Variants in SLC4A9 observed in about 807,000 individuals in gnomAD.
SLC4A9 encodes anion exchange protein 4.
A neutral mutation model predicts 103.2 loss-of-function variants in SLC4A9; 102 were observed. The ratio of observed to expected loss-of-function variants is 0.99; its 90% CI spans 0.84 to 1.17. The LOEUF (loss-of-function observed/expected upper bound fraction) is 1.17. Among genes scored for constraint, SLC4A9 ranks in the 50% most tolerant of loss-of-function variants. The pLI, the probability that SLC4A9 is intolerant of heterozygous loss-of-function variation, is 0.00. For missense variants in SLC4A9, 1,091 were observed against 1,193.7 expected (o/e 0.91, Z 1.27); for synonymous variants, 453 against 483.6 (o/e 0.94, Z 0.83).
At position 140,371,458 on chromosome 5, in the gene SLC4A9, A is replaced by G; in HGVS notation, c.2504A>G (p.Asn835Ser). ...TTCCTCTTGTTCCCCTAGTTCACTA[A>G]TAGGGTGAAGCTGTTGTTGATGCCA... The part of the protein sequence containing the change: ...VAALSSIQFT[N>S]RVKLLLMPAK... The change falls in exon 19 of 22, where the codon AAT becomes AGT. Residue 835 changes from asparagine (N) to serine (S), a missense_variant. Coordinates refer to ENST00000506757, the MANE Select transcript of SLC4A9 (RefSeq NM_031467.3). The G allele has an allele frequency of 1.2e-6, 2 of 1,613,992 alleles. No individual in the cohort carries two copies. The highest frequency in any genetic ancestry group is 1.7e-6 in the Non-Finnish European group (2 of 1,179,880).
intron 21 of SLC4A9, among the ~76,000 whole-genome samples, chr5:140,374,072 G>GTT (rs1227062432): frequency 6.6e-6 from 1 of 151,732 alleles, no homozygotes; most frequent in African/African-American, 2.4e-5. Flanking sequence ...GTGCATGCCT[G>GTT]TAAGAGGCTG....
In SLC4A9 at chr5:140,364,132, C is replaced by A; in HGVS notation, c.1333C>A (p.Leu445Met). The A allele has an allele frequency of 6.3e-7, 1 of 1,594,274 alleles. No individual in the cohort carries two copies. The highest frequency in any genetic ancestry group is 8.5e-7 in the Non-Finnish European group (1 of 1,169,640). The change falls in exon 10 of 22, where the codon CTG becomes ATG. Residue 445 changes from leucine to methionine, a missense_variant. Coordinates refer to ENST00000506757, the MANE Select transcript of SLC4A9 (RefSeq NM_031467.3). ...GATGGCAGGCCAGCCCCTCACCATT[C>A]TGAGCAGCACGGGGCCAGTGCTGGT... ...CLMAGQPLTI[L>M]SSTGPVLVFE... is the part of the protein sequence containing the mutation.
Position 140,364,391 on chromosome 5 carries a change from CGCCTATG to C in SLC4A9, c.1419_1425del (p.Leu474TrpfsTer49), listed in dbSNP as rs762149683. 2 of 1,613,294 alleles carry C rather than the reference CGCCTATG, an allele frequency of 1.2e-6. No homozygotes were observed. The highest frequency in any genetic ancestry group is 2.2e-5 in the South Asian group (2 of 91,040). On this transcript the variant is annotated frameshift_variant, in exon 11 of 22. Coordinates refer to ENST00000506757, the MANE Select transcript of SLC4A9 (RefSeq NM_031467.3). LOFTEE classifies it high-confidence loss of function. ...TTACAGCCTGGACTACCTGCCCTTC[CGCCTATG>C]GGTGGGCATCTGGGTGGCTACCTTT...
chr5:140,365,454 T>C, intron 11 of SLC4A9, 66 bp from the exon 12 acceptor site: 1 of 1,464,258 alleles, frequency 6.8e-7, no homozygotes, highest in Non-Finnish European at 9.4e-7. Context: ...CAGATAAGAA[T>C]TTTATGGGGC....
Position 140,371,244 on chromosome 5 carries a change from C to A in SLC4A9, c.2496+81C>A, listed in dbSNP as rs371651205. ...AAAAAGAACAAAATTACCTAGCAACCCTACTCCTTTTTTCTTTTCTGCTGG... is the reference window on the plus strand; with the variant it reads ...AAAAAGAACAAAATTACCTAGCAACACTACTCCTTTTTTCTTTTCTGCTGG... On this transcript the variant is annotated intron_variant, in intron 18 of 21. Transcript: ENST00000506757. 5.4e-6 allele frequency: 8 copies of A among 1,486,558 alleles called. No homozygotes were observed. In the Admixed American group the frequency reaches 1.2e-4, roughly 22 times the overall value. 92.1% of individuals were successfully genotyped at this position (1,486,558 alleles called of 1,614,324 possible).
rs761599792 is a variant in SLC4A9 at position 140,367,503 on chromosome 5, C to T, written c.2097C>T (p.Ala699=). Residue 699 remains alanine (A), a synonymous_variant, in exon 15 of 22, where the codon GCC becomes GCT. Transcript: ENST00000506757. ...GGAGTGTGGCAGCTGCCCTGCCTGC[C>T]CTGCTGCTGTCTATCCTCATCTTCA... ...WWWSVAAALP[A]LLLSILIFMD... is the part of the protein sequence containing the mutation. 1.1e-5 allele frequency: 17 copies of T among 1,605,476 alleles called. No individual in the cohort carries two copies. The highest frequency in any genetic ancestry group is 4.5e-5 in the South Asian group (4 of 89,470).
Position 140,360,236 on chromosome 5 carries a change from C to T in SLC4A9, c.-1C>T, listed in dbSNP as rs781107125. On this transcript the variant is annotated 5_prime_UTR_variant, in exon 1 of 22. Coordinates refer to ENST00000506757, the MANE Select transcript of SLC4A9 (RefSeq NM_031467.3). The stretch of plus-strand genomic sequence containing the variant: ...TGGTTCTGAGATTCTGTGCAAGCCT[C>T]ATGGAAATGAAGCTGCCAGGCCAGG... 1 of 1,609,554 alleles carries T rather than the reference C, an allele frequency of 6.2e-7. No individual in the cohort carries two copies. Among genetic ancestry groups the T allele is most frequent in the African/African-American group, 1.3e-5 (1 of 74,802 alleles).
chr5:140,374,175 C>T (rs561651310), intron 21 of SLC4A9, among the ~76,000 whole-genome samples: 2 of 146,916 alleles, frequency 1.4e-5, no homozygotes, highest in South Asian at 2.2e-4. Flanking sequence ...GGCGACGGAG[C>T]GAGACTCCGT....
In SLC4A9 at chr5:140,363,212, C is replaced by T; in HGVS notation, c.962+146C>T. 1 of 1,150,642 alleles carries T rather than the reference C, an allele frequency of 8.7e-7. No homozygotes were observed. Among genetic ancestry groups the T allele is most frequent in the Non-Finnish European group, 1.2e-6 (1 of 812,932 alleles). The allele number at this position is 1,150,642 out of a possible 1,614,324, so 71.3% of individuals were successfully genotyped here. ...CAGGCAGACCTAACTCTGAGTTCTGCTGGACTACTCTCTCGCTAAGAGACC... is the reference window on the plus strand; with the variant it reads ...CAGGCAGACCTAACTCTGAGTTCTGTTGGACTACTCTCTCGCTAAGAGACC... On this transcript the variant is annotated intron_variant, in intron 7 of 21. Transcript: ENST00000506757. The surrounding 1 kb of genome is among the most constrained non-coding windows in gnomAD (Gnocchi z 4.5).
rs769658485 is a variant in SLC4A9, at chr5:140,374,835, T to G, written c.*54T>G. ...TTTGGCTTAACTTCCAGATGCTCAG[T>G]CGGCTTGGGGAAGGACTGAAGGGCA... On this transcript the variant is annotated 3_prime_UTR_variant, in exon 22 of 22. Coordinates refer to ENST00000506757, the MANE Select transcript of SLC4A9 (RefSeq NM_031467.3). 6.6e-5 allele frequency: 10 copies of G among 152,100 alleles called. No individual in the cohort carries two copies. The highest frequency in any genetic ancestry group is 1.3e-4 in the Admixed American group (2 of 15,230). 9.4% of individuals were successfully genotyped at this position (152,100 alleles called of 1,614,324 possible). A position where few individuals can be genotyped will look rare whatever the true frequency, so the allele number is the denominator to read the frequency against.
In SLC4A9 at chr5:140,363,581, G is replaced by A. The variant is rs1350132310; in HGVS notation, c.1079+26G>A. 1 of 1,552,830 alleles carries A rather than the reference G, an allele frequency of 6.4e-7. No homozygotes were observed. Among genetic ancestry groups the A allele is most frequent in the Non-Finnish European group, 8.7e-7 (1 of 1,148,126 alleles). ...GTGAGGCGAGCTGGGAGGAAACAAG[G>A]GTAGGTGACCTGGGGGAGGGGAGGA... On this transcript the variant is annotated intron_variant, in intron 8 of 21. Coordinates refer to ENST00000506757, the MANE Select transcript of SLC4A9 (RefSeq NM_031467.3). This position sits in a 1 kb window ranked among gnomAD's most constrained non-coding sequence, Gnocchi z 4.5.
intron 3 of SLC4A9, 128 bp from the exon 4 acceptor site, chr5:140,361,678 CTG>C: frequency 2.0e-6 from 2 of 999,296 alleles, no homozygotes; most frequent in South Asian, 1.4e-5. Context: ...GGTGAGAAAA[CTG>C]TGGCTCAGAG....
At chr5:140,372,592 T>C in intron 20 of SLC4A9, 153 bp from the exon 21 acceptor site, 1 of 1,438,562 alleles carries the variant, frequency 7.0e-7, no homozygotes, top group African/African-American at 1.4e-5. Context: ...GGGCCCTCGA[T>C]GTGGGTGGAA....
In SLC4A9 at chr5:140,364,420, C is replaced by A. The variant is rs755014463; in HGVS notation, c.1446C>A (p.Thr482=). The change falls in exon 11 of 22, where the codon ACC becomes ACA. Residue 482 remains threonine (T), a synonymous_variant. Coordinates refer to ENST00000506757, the MANE Select transcript of SLC4A9 (RefSeq NM_031467.3). The part of the protein sequence containing the change: ...FRLWVGIWVA[T]FCLVLVATEA... ...TATGGGTGGGCATCTGGGTGGCTAC[C>A]TTTTGCCTGGTGCTGGTGGCCACAG... 8 of 1,613,756 alleles carry A rather than the reference C, an allele frequency of 5.0e-6. No individual in the cohort carries two copies. The highest frequency in any genetic ancestry group is 2.2e-5 in the South Asian group (2 of 91,034).
In SLC4A9 at chr5:140,367,634, T is replaced by C. The variant is rs889459363; in HGVS notation, c.2175+53T>C. The C allele has an allele frequency of 7.5e-6, 12 of 1,598,636 alleles. No individual in the cohort carries two copies. In the African/African-American group the frequency reaches 1.6e-4, roughly 22 times the overall value. On this transcript the variant is annotated intron_variant, in intron 15 of 21. Transcript: ENST00000506757. ...CCAAGGGACAGAAGCTCCAGGGGAG[T>C]CTACGCTCCTCCTCTCCTACCTCAG...
chr5:140,370,394 G>A (rs748317644), intron 17 of SLC4A9, among the ~76,000 whole-genome samples: 1 of 151,154 alleles, frequency 6.6e-6, no homozygotes, highest in South Asian at 2.1e-4. Context: ...AGCCTGGGGG[G>A]ATGGAGGTTG....
rs372361242 is a variant in SLC4A9 at position 140,362,473 on chromosome 5, A to T, written c.748A>T (p.Met250Leu). 5.6e-6 allele frequency: 9 copies of T among 1,613,940 alleles called. No individual in the cohort carries two copies. The African/African-American group carries it at 1.2e-4, about 22-fold the overall frequency. The change falls in exon 6 of 22, where the codon ATG becomes TTG. Residue 250 changes from methionine to leucine, a missense_variant. Coordinates refer to ENST00000506757, the MANE Select transcript of SLC4A9 (RefSeq NM_031467.3). The part of the protein sequence containing the change: ...RFFCLLLGPC[M>L]LGKGYHEMGR... Reference sequence around the variant, plus strand: ...TTTCTGCCTTCTCCTGGGCCCCTGTATGCTGGGAAAGGGCTACCATGAGAT... The same window carrying T: ...TTTCTGCCTTCTCCTGGGCCCCTGTTTGCTGGGAAAGGGCTACCATGAGAT...
At chr5:140,367,304 A>G in intron 14 of SLC4A9, 116 bp from the exon 15 acceptor site, 1 of 1,257,190 alleles carries the variant, frequency 8.0e-7, no homozygotes, top group Non-Finnish European at 1.1e-6. Context: ...ACAGCCCACT[A>G]GCATCTAGTG....
At chr5:140,368,949 G>A (rs1217589284) in intron 17 of SLC4A9, among the ~76,000 whole-genome samples, 1 of 152,206 alleles carries the variant, frequency 6.6e-6, no homozygotes, top group East Asian at 1.9e-4. Flanking sequence ...ACCCAGTGGA[G>A]CAAGGTGTGG....
Sources: gnomAD v4.1 joint callset for allele counts (sites outside exome capture counted in the v4.1 genomes callset) on GRCh38, gnomAD v4.1.1 for gene constraint, Gnocchi (gnomAD v3.1) non-coding constraint, MANE v1.5 for transcripts, NCBI Gene and HGNC (gene_info 2026-07-23, HGNC 2026-07-21) for gene names.